Variants in DNAAF10 observed in about 807,000 individuals in gnomAD.
DNAAF10 encodes the protein WD repeat domain 92.
Under a neutral mutation model 43.7 loss-of-function variants are expected in DNAAF10, and 28 were observed. That is an observed-to-expected ratio of 0.64 (90% CI 0.48 to 0.88). The LOEUF (loss-of-function observed/expected upper bound fraction) is 0.88. Ranked by LOEUF, DNAAF10 falls within the 40% of genes least tolerant of loss-of-function variation. The pLI is 0.00. For synonymous variants in DNAAF10, 156 were observed against 157.3 expected, an observed-to-expected ratio of 0.99 and a Z score of 0.06; for missense variants, 403 against 439.1, an observed-to-expected ratio of 0.92 and a Z score of 0.73.
At chr2:68,148,583 T>A (rs1385125662) in intron 1 of DNAAF10, among the ~76,000 whole-genome samples, 1 of 152,122 alleles carries the variant, frequency 6.6e-6, no homozygotes, top group African/African-American at 2.4e-5. Context: ...AAGTCCCTCC[T>A]ACAGTCTAAC....
At position 68,130,109 on chromosome 2, in the gene DNAAF10, G is replaced by GAT. The variant is rs199700133; in HGVS notation, c.*1128_*1129insAT. ...CTAGACCAACCGTGCCGTTTTGAGA[G>GAT]AGAGAGATATATATATATATATTTG... On this transcript the variant is annotated 3_prime_UTR_variant, in exon 8 of 8. Transcript: ENST00000295121. The GAT allele has an allele frequency of 3.6e-4, 47 of 129,198 alleles. No homozygotes were observed. Among genetic ancestry groups the GAT allele is most frequent in the African/African-American group, 1.4e-3 (41 of 29,998 alleles). 8.0% of individuals were successfully genotyped at this position (129,198 alleles called of 1,614,324 possible).
chr2:68,130,914 CTTTT>C lies in DNAAF10; in HGVS notation c.*320_*323del, dbSNP rs879114176. On this transcript the variant is annotated 3_prime_UTR_variant, in exon 8 of 8. Transcript: ENST00000295121. Reference sequence around the variant, plus strand: ...CTCTGGAAGGTTTCAAGTCCAAAGTCTTTTTTTTTTTTTTTTTTTTTGAGACAGT... The same window carrying C: ...CTCTGGAAGGTTTCAAGTCCAAAGTCTTTTTTTTTTTTTTTTTGAGACAGT... 2.5e-4 allele frequency: 31 copies of C among 122,500 alleles called. No homozygotes were observed. The highest frequency in any genetic ancestry group is 5.4e-4 in the Admixed American group (6 of 11,202). 7.6% of individuals were successfully genotyped at this position (122,500 alleles called of 1,614,324 possible). A position where few individuals can be genotyped will look rare whatever the true frequency, so the allele number is the denominator to read the frequency against.
rs750329894 is a variant in DNAAF10, at chr2:68,137,441, CAG to C, written c.634-10_634-9del. 743 of 1,605,036 alleles carry C rather than the reference CAG, an allele frequency of 4.6e-4. 6 individuals carry two copies. Among genetic ancestry groups the C allele is most frequent in the Middle Eastern group, 2.5e-3 (15 of 5,940 alleles). The stretch of plus-strand genomic sequence containing the variant: ...AAACTCCAAGCTACACACCTGAAAA[CAG>C]AGAATACTTATTATTGGTAGTCTCA... On this transcript the variant is annotated splice_polypyrimidine_tract_variant and intron_variant, in intron 5 of 7. Coordinates refer to ENST00000295121, the MANE Select transcript of DNAAF10 (RefSeq NM_138458.4).
chr2:68,142,744 C>T (rs1367483992), intron 3 of DNAAF10, among the ~76,000 whole-genome samples: 1 of 148,646 alleles, frequency 6.7e-6, no homozygotes, highest in South Asian at 2.1e-4. Context: ...AATAAAATGG[C>T]TAAAAGGCAA....
Position 68,138,776 on chromosome 2 carries a change from A to G in DNAAF10, c.599T>C (p.Met200Thr), listed in dbSNP as rs763022652. 1.3e-5 allele frequency: 21 copies of G among 1,613,976 alleles called. No individual in the cohort carries two copies. The highest frequency in any genetic ancestry group is 1.6e-4 in the Middle Eastern group (1 of 6,084). The change falls in exon 5 of 8, where the codon ATG (methionine) becomes ACG (threonine). Residue 200 changes from methionine (M) to threonine (T), a missense_variant. By Grantham distance (81) the Met-to-Thr change is moderately conservative. Transcript: ENST00000295121. ...GATGTTTGTCTCCCACCGTAATGCC[A>G]TATTTCTGAGATCAAATAGTTTGAT... ...GDIKLFDLRN[M>T]ALRWETNIKN...
intron 1 of DNAAF10, among the ~76,000 whole-genome samples, chr2:68,156,132 G>C (rs1267175352): frequency 6.8e-6 from 1 of 147,350 alleles, no homozygotes; most frequent in African/African-American, 2.5e-5. Flanking sequence ...AAAAGCCACT[G>C]GTTACCAGAA....
intron 1 of DNAAF10, among the ~76,000 whole-genome samples, chr2:68,152,722 AATG>A (rs1673487908): frequency 6.6e-6 from 1 of 152,210 alleles, no homozygotes; most frequent in East Asian, 1.9e-4. Flanking sequence ...AATGGCCATC[AATG>A]ATGGTCATAA....
chr2:68,137,516 A>T, intron 5 of DNAAF10, 83 bp from the exon 6 acceptor site: 1 of 1,256,518 alleles, frequency 8.0e-7, no homozygotes, highest in Non-Finnish European at 1.1e-6. Flanking sequence ...ACAGCTTTAA[A>T]ATGGTCAGAT....
intron 1 of DNAAF10, among the ~76,000 whole-genome samples, chr2:68,151,394 G>A (rs1673453523): frequency 6.6e-6 from 1 of 152,110 alleles, no homozygotes; most frequent in Non-Finnish European, 1.5e-5. Context: ...TCAGATTTCA[G>A]TTCAAATGCC....
chr2:68,147,711 T>C, intron 1 of DNAAF10, 144 bp from the exon 2 acceptor site: 1 of 575,872 alleles, frequency 1.7e-6, no homozygotes, highest in Admixed American at 3.7e-5. Context: ...GAAAATAATC[T>C]TGCTTTTTCC....
At chr2:68,135,219 G>C (rs1673012125) in intron 6 of DNAAF10, among the ~76,000 whole-genome samples, 2 of 152,098 alleles carry the variant, frequency 1.3e-5, no homozygotes, top group Admixed American at 6.5e-5. Context: ...TTAGTTCTGA[G>C]AGCAGTTTGA....
At chr2:68,132,926 G>A (rs780022939) in intron 7 of DNAAF10, among the ~76,000 whole-genome samples, 4 of 152,208 alleles carry the variant, frequency 2.6e-5, no homozygotes, top group Non-Finnish European at 5.9e-5. Context: ...GTGTTCGTGT[G>A]CCTCATGGAA....
chr2:68,150,487 C>T (rs890324672), intron 1 of DNAAF10, among the ~76,000 whole-genome samples: 2 of 152,154 alleles, frequency 1.3e-5, no homozygotes, highest in Non-Finnish European at 2.9e-5. Flanking sequence ...AATATCAGCA[C>T]TTTGGGAGGC....
At chr2:68,134,643 A>G (rs1181697891) in intron 7 of DNAAF10, 59 bp downstream of exon 7, 3 of 1,579,490 alleles carry the variant, frequency 1.9e-6, no homozygotes, top group Non-Finnish European at 2.6e-6. Context: ...AGTTCAATCT[A>G]ATCCTACTTT....
Position 68,144,602 on chromosome 2 carries a change from A to G in DNAAF10, c.398T>C (p.Val133Ala). Residue 133 changes from valine to alanine, a missense_variant, in exon 3 of 8, where the codon GTG (valine) becomes GCG (alanine). Coordinates refer to ENST00000295121, the MANE Select transcript of DNAAF10 (RefSeq NM_138458.4). Reference sequence around the variant, plus strand: ...GGACTCACCATCTCGGCTGCCAGTCACAATTTCAGGTGCTCCTTCTCCAAT... The same window carrying G: ...GGACTCACCATCTCGGCTGCCAGTCGCAATTTCAGGTGCTCCTTCTCCAAT... The part of the protein sequence containing the change: ...LGIGEGAPEI[V>A]TGSRDGTVKV... The G allele has an allele frequency of 6.2e-7, 1 of 1,613,704 alleles. No homozygotes were observed. The highest frequency in any genetic ancestry group is 8.5e-7 in the Non-Finnish European group (1 of 1,179,916).
chr2:68,157,416 T>C lies in DNAAF10; in HGVS notation c.28A>G (p.Ile10Val), dbSNP rs1448726474. Reference sequence around the variant, plus strand: ...TTGAAGCCCTTCTGGATATGGGCGATGATCTGAGGCTTCTCGAAGGCCGAC... The same window carrying C: ...TTGAAGCCCTTCTGGATATGGGCGACGATCTGAGGCTTCTCGAAGGCCGAC... MSAFEKPQI[I>V]AHIQKGFNYT... The change falls in exon 1 of 8, where the codon ATC becomes GTC. Residue 10 changes from isoleucine (I) to valine (V), a missense_variant. Coordinates refer to ENST00000295121, the MANE Select transcript of DNAAF10 (RefSeq NM_138458.4). The C allele has an allele frequency of 3.1e-6, 5 of 1,614,164 alleles. No homozygotes were observed. The highest frequency in any genetic ancestry group is 4.2e-6 in the Non-Finnish European group (5 of 1,180,030).
chr2:68,134,793 T>TATGAGCCTAAATAGAACAAGAGGC lies in DNAAF10; in HGVS notation c.769-18_774dup (p.His258_Lys259insAlaSerCysSerIleTer). ...TGTCGGACCTGCCACACAGTAGATT[T>TATGAGCCTAAATAGAACAAGAGGC]ATGAGCCTAAATAGAACAAGAGGCA... On this transcript the variant is annotated stop_gained and inframe_insertion, in exon 7 of 8. Coordinates refer to ENST00000295121, the MANE Select transcript of DNAAF10 (RefSeq NM_138458.4). LOFTEE classifies it high-confidence loss of function. 1 of 1,613,470 alleles carries TATGAGCCTAAATAGAACAAGAGGC rather than the reference T, an allele frequency of 6.2e-7. No individual in the cohort carries two copies. Among genetic ancestry groups the TATGAGCCTAAATAGAACAAGAGGC allele is most frequent in the Non-Finnish European group, 8.5e-7 (1 of 1,179,854 alleles).
chr2:68,155,033 A>G (rs1673558514), intron 1 of DNAAF10, among the ~76,000 whole-genome samples: 1 of 152,022 alleles, frequency 6.6e-6, no homozygotes, highest in African/African-American at 2.4e-5. Context: ...CTGCCTCCCA[A>G]AGTGTTGGAA....
At chr2:68,147,631 T>G (rs892164959) in intron 1 of DNAAF10, 64 bp from the exon 2 acceptor site, 2 of 1,176,146 alleles carry the variant, frequency 1.7e-6, no homozygotes, top group Non-Finnish European at 2.4e-6. Context: ...AATCTATTAA[T>G]ATCATATTTA....
Sources: gnomAD v4.1 joint callset for allele counts (sites outside exome capture counted in the v4.1 genomes callset) on GRCh38, gnomAD v4.1.1 for gene constraint, MANE v1.5 for transcripts, NCBI Gene and HGNC (gene_info 2026-07-23, HGNC 2026-07-21) for gene names.